TBL1X: variants seen among roughly 807,000 people sequenced by gnomAD.
TBL1X encodes the protein transducin beta like 1 X-linked.
In TBL1X, 10 loss-of-function variants were observed where a neutral mutation model predicts 50.7. The ratio of observed to expected loss-of-function variants is 0.20; its 90% CI spans 0.12 to 0.33. The LOEUF (loss-of-function observed/expected upper bound fraction) is 0.33, where lower values mean the gene tolerates loss of function less well. TBL1X is among the 10% of genes least tolerant of loss of function. The probability of loss-of-function intolerance (pLI) is 1.00; values close to 1 mark genes in which losing one functional copy is unlikely to be tolerated. For synonymous variants in TBL1X, 190 were observed against 214.7 expected (o/e 0.88, Z 1.01); for missense variants, 340 against 504.4 (o/e 0.67, Z 3.12).
intron 8 of TBL1X, 140 bp from the exon 9 acceptor site, chrX:9,691,973 G>T: frequency 2.9e-6 from 3 of 1,036,017 alleles, no homozygotes; most frequent in Non-Finnish European, 3.9e-6. Context: ...AGATGGCAAA[G>T]AGGGAAACAG....
intron 2 of TBL1X, among the ~76,000 whole-genome samples, chrX:9,613,349 C>T (rs1376987534): frequency 1.8e-5 from 2 of 110,762 alleles, no homozygotes; most frequent in Non-Finnish European, 3.8e-5. Flanking sequence ...TGGTGTGACT[C>T]CTATCACTGA....
At chrX:9,479,935 A>G (rs938715058) in intron 1 of TBL1X, among the ~76,000 whole-genome samples, 4 of 35,251 alleles carry the variant, frequency 1.1e-4, no homozygotes, top group African/African-American at 4.7e-4. Flanking sequence ...GAAGGAAAGT[A>G]GAATGTGTGT....
chrX:9,540,662 A>G (rs1056056588), intron 2 of TBL1X, among the ~76,000 whole-genome samples: 3 of 112,678 alleles, frequency 2.7e-5, no homozygotes, highest in Admixed American at 1.9e-4. Context: ...TATATTAACA[A>G]TTAACAAAAG....
At chrX:9,685,712 CTTTTCTTTTT>C (rs1205652318) in intron 6 of TBL1X, among the ~76,000 whole-genome samples, 70 of 64,206 alleles carry the variant, frequency 1.1e-3, no homozygotes, top group Non-Finnish European at 1.8e-3. Context: ...TTTTTCTTTT[CTTTTCTTTTT>C]TTTTTTTTTT....
chrX:9,599,234 G>A (rs190238210), intron 2 of TBL1X, among the ~76,000 whole-genome samples: 47 of 111,587 alleles, frequency 4.2e-4, no homozygotes, highest in African/African-American at 1.5e-3. Context: ...ATGAGCCACT[G>A]CAACTGGCCA....
intron 7 of TBL1X, among the ~76,000 whole-genome samples, chrX:9,690,471 A>G (rs112925014): frequency 0.013 from 1,386 of 110,845 alleles, 11 homozygotes; most frequent in African/African-American, 0.043. Context: ...TCCTCTTCTC[A>G]TAAGGACACC....
chrX:9,511,009 A>C, intron 2 of TBL1X, among the ~76,000 whole-genome samples: 1 of 111,957 alleles, frequency 8.9e-6, no homozygotes, highest in African/African-American at 3.2e-5. Context: ...GACAGCCCTG[A>C]CTAACATCAC....
At chrX:9,550,877 C>T (rs1266603754) in intron 2 of TBL1X, among the ~76,000 whole-genome samples, 4 of 110,644 alleles carry the variant, frequency 3.6e-5, no homozygotes, top group African/African-American at 9.9e-5. Context: ...TTGGTTGTCA[C>T]GTTTTGGGGA....
At chrX:9,522,913 T>C (rs16985574) in intron 2 of TBL1X, among the ~76,000 whole-genome samples, 3,873 of 111,843 alleles carry the variant, frequency 0.035, 195 homozygotes, top group African/African-American at 0.12. Flanking sequence ...TCCATCTGTG[T>C]GCAAGGTTTT....
In TBL1X at chrX:9,478,024, G is replaced by A. The variant is rs147508375; in HGVS notation, c.-201+12577G>A. On this transcript the variant is annotated intron_variant, in intron 1 of 17. Transcript: ENST00000645353. ...CCCCAGGAGAGGAAGGTGGGGAAAG[G>A]GGAAAGACGGCAAGTATAGTAGTAT... Among the ~76,000 whole-genome samples the A allele has an allele frequency of 3.5e-3, 394 of 111,885 alleles. 2 individuals are homozygous for A. Among genetic ancestry groups the A allele is most frequent in the African/African-American group, 0.012 (369 of 30,764 alleles).
chrX:9,616,846 A>G (rs770846308), intron 2 of TBL1X, among the ~76,000 whole-genome samples: 1 of 111,860 alleles, frequency 8.9e-6, no homozygotes, highest in East Asian at 2.8e-4. Flanking sequence ...GGTGAAGATG[A>G]TACTGTTAAA....
chrX:9,646,296 A>G (rs1326122849), intron 3 of TBL1X, among the ~76,000 whole-genome samples: 1 of 112,544 alleles, frequency 8.9e-6, no homozygotes, highest in Non-Finnish European at 1.9e-5. Context: ...ACAATTACAT[A>G]GGATGAAAAG....
At chrX:9,547,331 T>G (rs1174664105) in intron 2 of TBL1X, among the ~76,000 whole-genome samples, 1 of 109,979 alleles carries the variant, frequency 9.1e-6, no homozygotes, top group Admixed American at 9.7e-5. Context: ...GTTGTTGTTT[T>G]TATTTTGAGA....
intron 2 of TBL1X, among the ~76,000 whole-genome samples, chrX:9,606,727 C>G (rs1323120661): frequency 8.9e-6 from 1 of 111,760 alleles, no homozygotes; most frequent in East Asian, 2.8e-4. Flanking sequence ...TTTTTTTGCT[C>G]TTAATTGCAT....
chrX:9,541,268 G>C (rs1282457856), intron 2 of TBL1X, among the ~76,000 whole-genome samples: 2 of 110,228 alleles, frequency 1.8e-5, no homozygotes, highest in Non-Finnish European at 3.8e-5. Context: ...GTTGGGCTTC[G>C]TGCTACCAGG....
intron 2 of TBL1X, among the ~76,000 whole-genome samples, chrX:9,524,929 T>C (rs1160068614): frequency 1.8e-5 from 2 of 111,005 alleles, no homozygotes; most frequent in Non-Finnish European, 3.8e-5. Flanking sequence ...TTTTTGTATT[T>C]TTGGTGGAGA....
intron 2 of TBL1X, among the ~76,000 whole-genome samples, chrX:9,550,964 C>A (rs990751845): frequency 1.6e-4 from 18 of 111,033 alleles, no homozygotes; most frequent in Admixed American, 1.2e-3. Flanking sequence ...CAGGACAGCC[C>A]CCCCCCAACC....
At chrX:9,491,847 TA>T (rs201093109) in intron 1 of TBL1X, among the ~76,000 whole-genome samples, 2 of 110,014 alleles carry the variant, frequency 1.8e-5, no homozygotes, top group Non-Finnish European at 3.8e-5. Flanking sequence ...TTTCAGATAT[TA>T]AAAAAAAATC....
At chrX:9,692,045 C>G in intron 8 of TBL1X, 68 bp from the exon 9 acceptor site, 1 of 1,203,110 alleles carries the variant, frequency 8.3e-7, no homozygotes, top group African/African-American at 1.7e-5. Context: ...GGCCAGAGAG[C>G]AAGCTGTGGA....
Sources: gnomAD v4.1 joint callset for allele counts (sites outside exome capture counted in the v4.1 genomes callset) on GRCh38, gnomAD v4.1.1 for gene constraint, MANE v1.5 for transcripts, NCBI Gene and HGNC (gene_info 2026-07-23, HGNC 2026-07-21) for gene names.